Variants in DPP10 observed in about 807,000 individuals in gnomAD.
The protein encoded by DPP10 is dipeptidyl peptidase like 10, also known as inactive dipeptidyl peptidase 10.
A neutral mutation model predicts 120.9 loss-of-function variants in DPP10; 33 were observed. The ratio of observed to expected loss-of-function variants is 0.27; its 90% CI spans 0.21 to 0.37. The LOEUF (loss-of-function observed/expected upper bound fraction) is 0.37, where lower values mean the gene tolerates loss of function less well. Ranked by LOEUF, DPP10 falls within the 10% of genes least tolerant of loss-of-function variation. The pLI is 1.00. For missense variants in DPP10, 816 were observed against 942.8 expected, an observed-to-expected ratio of 0.87 and a Z score of 1.76; for synonymous variants, 337 against 326.1, an observed-to-expected ratio of 1.03 and a Z score of -0.36.
intron 5 of DPP10, among the ~76,000 whole-genome samples, chr2:115,553,048 C>T (rs2079972908): frequency 6.6e-6 from 1 of 152,042 alleles, no homozygotes; most frequent in Admixed American, 6.6e-5. Flanking sequence ...TTGTCATCGC[C>T]TAGCCTGAGA....
rs1575180800 is a variant in DPP10, at chr2:115,561,093, A to G, written c.441+35121A>G. ...GCCAGGTGCAGTGGCTCACGCCTGT[A>G]ATCCCAGCACTTTGGGAGGCCAAGG... On this transcript the variant is annotated intron_variant, in intron 5 of 25. Coordinates refer to ENST00000410059, the MANE Select transcript of DPP10 (RefSeq NM_020868.6). Among the ~76,000 whole-genome samples, 6 of 152,254 alleles carry G rather than the reference A, an allele frequency of 3.9e-5. No individual in the cohort carries two copies. In the South Asian group the frequency reaches 8.3e-4, roughly 21 times the overall value.
At chr2:115,539,671 C>A (rs1211479411) in intron 5 of DPP10, among the ~76,000 whole-genome samples, 2 of 151,776 alleles carry the variant, frequency 1.3e-5, no homozygotes, top group African/African-American at 4.8e-5. Flanking sequence ...TTATATGGAC[C>A]TTGATTTTTC....
chr2:114,845,619 G>GTGTT (rs1421962935), intron 1 of DPP10, among the ~76,000 whole-genome samples: 1 of 152,136 alleles, frequency 6.6e-6, no homozygotes, highest in Non-Finnish European at 1.5e-5. Flanking sequence ...GCTCCCCTAA[G>GTGTT]TGTTGTCTCA....
intron 1 of DPP10, among the ~76,000 whole-genome samples, chr2:114,943,762 A>G (rs1269297900): frequency 6.6e-6 from 1 of 152,220 alleles, no homozygotes; most frequent in African/African-American, 2.4e-5. Context: ...GAAAATACAG[A>G]AGTTATAAAA....
intron 1 of DPP10, among the ~76,000 whole-genome samples, chr2:114,649,615 G>T (rs1696422412): frequency 6.6e-6 from 1 of 152,074 alleles, no homozygotes; most frequent in African/African-American, 2.4e-5. Flanking sequence ...GCCTCCCAAA[G>T]TGCTGGGATG....
chr2:115,711,157 T>C (rs1480905363), intron 7 of DPP10, among the ~76,000 whole-genome samples: 7 of 152,062 alleles, frequency 4.6e-5, no homozygotes, highest in Non-Finnish European at 8.8e-5. Context: ...TCTTTTTCTG[T>C]GGGGTGAGGG....
chr2:115,086,216 C>T (rs1708679569), intron 1 of DPP10, among the ~76,000 whole-genome samples: 1 of 152,146 alleles, frequency 6.6e-6, no homozygotes, highest in African/African-American at 2.4e-5. Flanking sequence ...GAATAGGAAA[C>T]ATTTGTCATC....
intron 2 of DPP10, among the ~76,000 whole-genome samples, chr2:115,325,420 A>G (rs982783293): frequency 2.0e-5 from 3 of 152,206 alleles, no homozygotes; most frequent in African/African-American, 7.2e-5. Context: ...AAGAAAGTCA[A>G]CATCTTTTGA....
chr2:115,102,162 C>T (rs1310809154), intron 1 of DPP10, among the ~76,000 whole-genome samples: 1 of 152,172 alleles, frequency 6.6e-6, no homozygotes, highest in Non-Finnish European at 1.5e-5. Context: ...TCCTTCCTGG[C>T]TTGCAGACAG....
At chr2:115,836,938 A>T (rs1410775089) in intron 24 of DPP10, among the ~76,000 whole-genome samples, 192 bp downstream of exon 24, 1 of 152,214 alleles carries the variant, frequency 6.6e-6, no homozygotes, top group African/African-American at 2.4e-5. Flanking sequence ...GCTATTCCTC[A>T]AATGGCAGCG....
At chr2:115,662,742 A>T (rs1290779586) in intron 5 of DPP10, among the ~76,000 whole-genome samples, 1 of 152,194 alleles carries the variant, frequency 6.6e-6, no homozygotes, top group East Asian at 1.9e-4. Flanking sequence ...AGCTTTAATT[A>T]GGTAAAATCC....
intron 3 of DPP10, among the ~76,000 whole-genome samples, chr2:115,414,249 T>A (rs2069186943): frequency 6.6e-6 from 1 of 152,178 alleles, no homozygotes; most frequent in African/African-American, 2.4e-5. Flanking sequence ...GATGAATAAA[T>A]GTACTTTCAA....
At chr2:115,525,564 C>T (rs1447654357) in intron 4 of DPP10, among the ~76,000 whole-genome samples, 2 of 151,908 alleles carry the variant, frequency 1.3e-5, no homozygotes, top group Admixed American at 6.6e-5. Context: ...ATTAATCTAG[C>T]ATGCAAATTA....
chr2:114,869,857 C>T (rs1436987418), intron 1 of DPP10, among the ~76,000 whole-genome samples: 2 of 152,192 alleles, frequency 1.3e-5, no homozygotes, highest in African/African-American at 4.8e-5. Context: ...TGAACGCATG[C>T]TTTTCAGTGC....
intron 2 of DPP10, among the ~76,000 whole-genome samples, chr2:115,335,963 TTTTC>T (rs2063106230): frequency 2.0e-5 from 3 of 152,054 alleles, no homozygotes; most frequent in Admixed American, 6.6e-5. Flanking sequence ...TTGATTAGAT[TTTTC>T]TTTCTATTTC....
chr2:115,652,554 A>G (rs1165469623), intron 5 of DPP10, among the ~76,000 whole-genome samples: 1 of 151,614 alleles, frequency 6.6e-6, no homozygotes, highest in Non-Finnish European at 1.5e-5. Context: ...CAGGATCTGT[A>G]GTTGGCAAGC....
At chr2:114,592,327 C>T (rs1691530888) in intron 1 of DPP10, among the ~76,000 whole-genome samples, 1 of 152,074 alleles carries the variant, frequency 6.6e-6, no homozygotes, top group South Asian at 2.1e-4. Context: ...GTAAACTTTT[C>T]CCTTCAGTTT....
At chr2:115,473,378 G>T (rs963914689) in intron 3 of DPP10, among the ~76,000 whole-genome samples, 3 of 152,116 alleles carry the variant, frequency 2.0e-5, no homozygotes, top group Non-Finnish European at 4.4e-5. Flanking sequence ...GAGTCAAATT[G>T]TTCCATCTGT....
intron 1 of DPP10, among the ~76,000 whole-genome samples, chr2:115,050,556 C>CA (rs368189353): frequency 0.018 from 2,681 of 148,454 alleles, 53 homozygotes; most frequent in African/African-American, 0.049. Context: ...AAAGTTGGGG[C>CA]AAAAAAAAAT....
Sources: allele counts gnomAD v4.1 joint callset (sites outside exome capture counted in the v4.1 genomes callset), GRCh38; gene constraint gnomAD v4.1.1; transcripts MANE v1.5; gene names NCBI Gene and HGNC (gene_info 2026-07-23, HGNC 2026-07-21).